Variants in HGSNAT observed in about 807,000 individuals in gnomAD.
HGSNAT encodes the protein transmembrane protein 76.
A neutral mutation model predicts 85.2 loss-of-function variants in HGSNAT; 59 were observed. That is an observed-to-expected ratio of 0.69 (90% CI 0.56 to 0.86). The LOEUF is 0.86. HGSNAT is among the 40% of genes least tolerant of loss of function. The pLI is 0.00. For synonymous variants in HGSNAT, 321 were observed against 304.5 expected, an observed-to-expected ratio of 1.05 and a Z score of -0.56; for missense variants, 756 against 777.1, an observed-to-expected ratio of 0.97 and a Z score of 0.32.
At chr8:43,173,777 G>T in intron 9 of HGSNAT, 34 bp downstream of exon 9, 8 of 1,602,544 alleles carry the variant, frequency 5.0e-6, no homozygotes, top group Non-Finnish European at 6.8e-6. Flanking sequence ...CTCTTCCACG[G>T]GTTGACTCCA....
rs1803907869 is a variant in HGSNAT, at chr8:43,178,767, AGT to A, written c.1012+536_1012+537del. Among the ~76,000 whole-genome samples the A allele has an allele frequency of 2.0e-5, 3 of 149,468 alleles. No homozygotes were observed. The South Asian group carries it at 6.3e-4, about 31-fold the overall frequency. On this transcript the variant is annotated intron_variant, in intron 10 of 17. Transcript: ENST00000379644. Reference sequence around the variant, plus strand: ...GGACCCTGCGGCCTTGGCCTTCCGCAGTGTTTGTGTCCCTGGGTACTTAAGAT... The same window carrying A: ...GGACCCTGCGGCCTTGGCCTTCCGCAGTTTGTGTCCCTGGGTACTTAAGAT...
Position 43,188,351 on chromosome 8 carries a change from T to C in HGSNAT, c.1129-3123T>C, listed in dbSNP as rs1804397582. Among the ~76,000 whole-genome samples, 3 of 152,208 alleles carry C rather than the reference T, an allele frequency of 2.0e-5. No homozygotes were observed. The South Asian group carries it at 6.2e-4, about 32-fold the overall frequency. The stretch of plus-strand genomic sequence containing the variant: ...GAGCTTTGTTCATTTCTTTTTACTC[T>C]TTTTTCTCCAAACTTCTTTTCTCGC... On this transcript the variant is annotated intron_variant, in intron 11 of 17. Coordinates refer to ENST00000379644, the MANE Select transcript of HGSNAT (RefSeq NM_152419.3).
At chr8:43,179,426 C>A (rs1257269715) in intron 10 of HGSNAT, among the ~76,000 whole-genome samples, 2 of 105,868 alleles carry the variant, frequency 1.9e-5, no homozygotes, top group African/African-American at 7.7e-5. Context: ...GTCCTCACTT[C>A]CCAGTAGGGG....
chr8:43,188,281 A>T (rs1192861788), intron 11 of HGSNAT, among the ~76,000 whole-genome samples: 1 of 152,206 alleles, frequency 6.6e-6, no homozygotes, highest in East Asian at 1.9e-4. Flanking sequence ...CAGGTACACC[A>T]ATCAGACACA....
chr8:43,184,711 C>T (rs1049375685), intron 11 of HGSNAT, among the ~76,000 whole-genome samples: 3 of 152,210 alleles, frequency 2.0e-5, no homozygotes, highest in African/African-American at 7.2e-5. Context: ...AGTCCTTGCC[C>T]ATGCCTGTGT....
chr8:43,148,757 C>A (rs1586700239), intron 2 of HGSNAT, among the ~76,000 whole-genome samples: 1 of 148,386 alleles, frequency 6.7e-6, no homozygotes, highest in African/African-American at 2.5e-5. Flanking sequence ...CGCACCATTG[C>A]ACTCTAACCT....
At position 43,200,711 on chromosome 8, in the gene HGSNAT, T is replaced by G. The variant is rs1202371157; in HGVS notation, c.*1142T>G. The G allele has an allele frequency of 1.3e-5, 2 of 152,352 alleles. 1 individual carries two copies. 9.4% of individuals were successfully genotyped at this position (152,352 alleles called of 1,614,324 possible). A position where few individuals can be genotyped will look rare whatever the true frequency, so the allele number is the denominator to read the frequency against. On this transcript the variant is annotated 3_prime_UTR_variant, in exon 18 of 18. Transcript: ENST00000379644. ...TTGTTCATGGGAGGCATCGTCACCC[T>G]CCTGGGTGTTCTGTGGGAATTTCCT... is the stretch of plus-strand genomic sequence containing the variant.
Position 43,182,187 on chromosome 8 carries a change from T to G in HGSNAT, c.1055T>G (p.Leu352Trp). 2.5e-6 allele frequency: 4 copies of G among 1,614,056 alleles called. No homozygotes were observed. Among genetic ancestry groups the G allele is most frequent in the Non-Finnish European group, 3.4e-6 (4 of 1,179,900 alleles). ...KVRIPGVLQRLGVTYFVVAVL... is the reference protein window; with the variant it reads ...KVRIPGVLQRWGVTYFVVAVL... ...CGCATTCCTGGTGTGCTGCAGCGATTGGGAGTGACATACTTTGTGGTTGCT... is the reference window on the plus strand; with the variant it reads ...CGCATTCCTGGTGTGCTGCAGCGATGGGGAGTGACATACTTTGTGGTTGCT... Residue 352 changes from leucine (L) to tryptophan (W), a missense_variant, in exon 11 of 18, where the codon TTG becomes TGG. Transcript: ENST00000379644.
intron 2 of HGSNAT, among the ~76,000 whole-genome samples, chr8:43,157,994 T>G (rs192742108): frequency 6.6e-6 from 1 of 152,218 alleles, no homozygotes; most frequent in Non-Finnish European, 1.5e-5. Flanking sequence ...TAATATTAAA[T>G]TTATGCAAGA....
chr8:43,186,804 C>G (rs553086376), intron 11 of HGSNAT, among the ~76,000 whole-genome samples: 7 of 152,336 alleles, frequency 4.6e-5, no homozygotes, highest in Admixed American at 3.9e-4. Context: ...CTTCTACACA[C>G]TGCTCTAAAT....
At chr8:43,189,925 A>G (rs1804469850) in intron 11 of HGSNAT, among the ~76,000 whole-genome samples, 1 of 152,210 alleles carries the variant, frequency 6.6e-6, no homozygotes, top group Non-Finnish European at 1.5e-5. Context: ...ATTAAATAAT[A>G]CCACCAGCAT....
chr8:43,194,845 C>A (rs1267415938), intron 14 of HGSNAT, among the ~76,000 whole-genome samples: 5 of 152,236 alleles, frequency 3.3e-5, no homozygotes, highest in African/African-American at 4.8e-5. Context: ...GAGGACAGAA[C>A]AAGAAGTCGC....
Position 43,170,694 on chromosome 8 carries a change from G to C in HGSNAT, c.743G>C (p.Gly248Ala), listed in dbSNP as rs1324238938. The C allele has an allele frequency of 3.1e-6, 5 of 1,588,888 alleles. No individual in the cohort carries two copies. The South Asian group carries it at 5.7e-5, about 18-fold the overall frequency. Residue 248 changes from glycine (G) to alanine (A), a missense_variant and splice_region_variant, in exon 7 of 18, where the codon GGG (glycine) becomes GCG (alanine). Gly to Ala is a moderately conservative substitution (Grantham distance 60). Transcript: ENST00000379644. ...CTCCGCAGCGTGGACACCTTCAGGG[G>C]GTATGTGGGCCTCCCTGTAGCACAG... ...PRLRSVDTFR[G>A]IALILMVFVN... is the part of the protein sequence containing the mutation.
At chr8:43,141,338 TGCCCCGG>T (rs1465934774) in intron 1 of HGSNAT, among the ~76,000 whole-genome samples, 2 of 152,104 alleles carry the variant, frequency 1.3e-5, no homozygotes, top group African/African-American at 2.4e-5. Context: ...TGGGCGCTTT[TGCCCCGG>T]GCCCCGGACC....
At chr8:43,167,321 G>A (rs1803464044) in intron 5 of HGSNAT, among the ~76,000 whole-genome samples, 1 of 152,172 alleles carries the variant, frequency 6.6e-6, no homozygotes, top group Non-Finnish European at 1.5e-5. Flanking sequence ...GAAATCTTGT[G>A]AAAGGAAAAG....
intron 11 of HGSNAT, chr8:43,182,501 T>C (rs1457798313): frequency 5.8e-6 from 3 of 515,318 alleles, no homozygotes; most frequent in Non-Finnish European, 1.1e-5. Flanking sequence ...TGGGGTGCAG[T>C]GGTGTGATCT....
chr8:43,141,940 C>G (rs953326615), intron 1 of HGSNAT, among the ~76,000 whole-genome samples: 2 of 152,162 alleles, frequency 1.3e-5, no homozygotes, highest in Admixed American at 6.5e-5. Context: ...AAATAGTAAT[C>G]ACACGTAGTG....
In HGSNAT at chr8:43,195,480, TAGG is replaced by T. The variant is rs1187611751; in HGVS notation, c.1465-1459_1465-1457del. On this transcript the variant is annotated intron_variant, in intron 14 of 17. Coordinates refer to ENST00000379644, the MANE Select transcript of HGSNAT (RefSeq NM_152419.3). ...TCATCTTCATGTTGAGTATGAGTAGTAGGAGGAGGAGAAGGAAGAGGAGGAGGA... is the reference window on the plus strand; with the variant it reads ...TCATCTTCATGTTGAGTATGAGTAGTAGGAGGAGAAGGAAGAGGAGGAGGA... Among the ~76,000 whole-genome samples, 642 of 144,832 alleles carry T rather than the reference TAGG, an allele frequency of 4.4e-3. 4 individuals are homozygous for T. The highest frequency in any genetic ancestry group is 0.016 in the African/African-American group (612 of 38,690).
At position 43,181,629 on chromosome 8, in the gene HGSNAT, G is replaced by A. The variant is rs114369988; in HGVS notation, c.1013-516G>A. 665 of 154,674 alleles carry A rather than the reference G, an allele frequency of 4.3e-3. 8 individuals are homozygous for A. Among genetic ancestry groups the A allele is most frequent in the African/African-American group, 0.015 (635 of 41,580 alleles). 9.6% of individuals were successfully genotyped at this position (154,674 alleles called of 1,614,324 possible). Reference sequence around the variant, plus strand: ...ACTGCTTCCAGTAGGATTCATTTTAGGGTTTGTTGTCAGGTCTGTTCTTCC... The same window carrying A: ...ACTGCTTCCAGTAGGATTCATTTTAAGGTTTGTTGTCAGGTCTGTTCTTCC... On this transcript the variant is annotated intron_variant, in intron 10 of 17. Coordinates refer to ENST00000379644, the MANE Select transcript of HGSNAT (RefSeq NM_152419.3).
Sources: gnomAD v4.1 joint callset for allele counts (sites outside exome capture counted in the v4.1 genomes callset) on GRCh38, gnomAD v4.1.1 for gene constraint, MANE v1.5 for transcripts, NCBI Gene and HGNC (gene_info 2026-07-23, HGNC 2026-07-21) for gene names.